CFAP54: variants seen among roughly 807,000 people sequenced by gnomAD.
The protein encoded by CFAP54 is cilia and flagella associated protein 54.
CFAP54 carries 290 observed loss-of-function variants against 370.4 expected under a neutral mutation model. That is an observed-to-expected ratio of 0.78 (90% CI 0.71 to 0.86). The LOEUF (loss-of-function observed/expected upper bound fraction) is 0.86, where lower values mean the gene tolerates loss of function less well. Among genes scored for constraint, CFAP54 ranks in the 40% least tolerant of loss-of-function variants. The pLI is 0.00. For missense variants in CFAP54, 3,399 were observed against 3,528.7 expected, an observed-to-expected ratio of 0.96 and a Z score of 0.93; for synonymous variants, 1,206 against 1,236.5, an observed-to-expected ratio of 0.98 and a Z score of 0.52.
chr12:96,582,006 T>C (rs1265869565), intron 22 of CFAP54, among the ~76,000 whole-genome samples: 1 of 152,166 alleles, frequency 6.6e-6, no homozygotes, highest in East Asian at 1.9e-4. Flanking sequence ...AGGGTAAATT[T>C]ATAAAAGTAA....
chr12:96,647,472 C>G (rs554225437), intron 33 of CFAP54, among the ~76,000 whole-genome samples: 11 of 40,754 alleles, frequency 2.7e-4, no homozygotes, highest in Non-Finnish European at 2.1e-4. Flanking sequence ...GACTCTGTCC[C>G]AAAAAAAAAA....
chr12:96,720,398 T>G lies in CFAP54; in HGVS notation c.6805-7T>G. 8.8e-6 allele frequency: 13 copies of G among 1,481,526 alleles called. No homozygotes were observed. The South Asian group carries it at 1.8e-4, about 21-fold the overall frequency. The allele number at this position is 1,481,526 out of a possible 1,614,324, so 91.8% of individuals were successfully genotyped here. A position where few individuals can be genotyped will look rare whatever the true frequency, so the allele number is the denominator to read the frequency against. On this transcript the variant is annotated splice_polypyrimidine_tract_variant and splice_region_variant and intron_variant, in intron 49 of 67. Transcript: ENST00000524981. Reference sequence around the variant, plus strand: ...AACTCACGTGATGTATGGTATCCTTTCCTTAGTCGATGTTACTGATGGAAG... The same window carrying G: ...AACTCACGTGATGTATGGTATCCTTGCCTTAGTCGATGTTACTGATGGAAG...
At chr12:96,827,682 T>A (rs1407557717) in intron 65 of CFAP54, among the ~76,000 whole-genome samples, 1 of 74,046 alleles carries the variant, frequency 1.4e-5, no homozygotes, top group Non-Finnish European at 2.8e-5. Context: ...TAATTATATA[T>A]GATACATAGT....
In CFAP54 at chr12:96,657,847, A is replaced by G. The variant is rs774753848; in HGVS notation, c.5101-35A>G. The G allele has an allele frequency of 2.2e-6, 3 of 1,349,590 alleles. No homozygotes were observed. The South Asian group carries it at 3.9e-5, about 18-fold the overall frequency. 83.6% of individuals were successfully genotyped at this position (1,349,590 alleles called of 1,614,324 possible). ...GAAAAAATATGCAGTAAAATCTGAA[A>G]TTACACATTTTTTTTTTCACTGTGC... On this transcript the variant is annotated intron_variant, in intron 36 of 67. Transcript: ENST00000524981.
intron 39 of CFAP54, among the ~76,000 whole-genome samples, chr12:96,676,752 C>G (rs1339419122): frequency 1.3e-5 from 2 of 151,918 alleles, no homozygotes; most frequent in Non-Finnish European, 2.9e-5. Flanking sequence ...CACCTTGTCT[C>G]CTGACCTGAG....
At chr12:96,828,235 AG>A (rs1445904558) in intron 65 of CFAP54, among the ~76,000 whole-genome samples, 1 of 151,088 alleles carries the variant, frequency 6.6e-6, no homozygotes, top group African/African-American at 2.4e-5. Flanking sequence ...CAAGTCATTT[AG>A]GTTTGGTAGG....
chr12:96,605,320 C>T (rs1028144237), intron 26 of CFAP54, among the ~76,000 whole-genome samples: 2 of 152,086 alleles, frequency 1.3e-5, no homozygotes, highest in Non-Finnish European at 1.5e-5. Flanking sequence ...TATCAAGAAA[C>T]CAAACAGCTG....
intron 47 of CFAP54, among the ~76,000 whole-genome samples, chr12:96,706,547 A>G (rs1310159237): frequency 6.6e-6 from 1 of 152,114 alleles, no homozygotes; most frequent in Admixed American, 6.6e-5. Context: ...AAGGTCAGAG[A>G]GGTCAAATTG....
intron 65 of CFAP54, among the ~76,000 whole-genome samples, chr12:96,825,316 A>T (rs1222412632): frequency 1.6e-5 from 2 of 126,634 alleles, no homozygotes; most frequent in Non-Finnish European, 3.2e-5. Flanking sequence ...ATATAATATA[A>T]TATATATTAT....
rs553045222 is a variant in CFAP54, at chr12:96,497,234, T to C, written c.318-3600T>C. On this transcript the variant is annotated intron_variant, in intron 1 of 67. Coordinates refer to ENST00000524981, the MANE Select transcript of CFAP54 (RefSeq NM_001306084.2). ...TGCACTGAGCCTCAGCTTAATCAAC[T>C]GTATCTTTGGGATATTGATATTACC... Among the ~76,000 whole-genome samples the C allele has an allele frequency of 1.1e-4, 16 of 152,322 alleles. 1 individual carries two copies. The South Asian group carries it at 2.3e-3, about 22-fold the overall frequency.
At chr12:96,578,477 G>A (rs184200430) in intron 20 of CFAP54, among the ~76,000 whole-genome samples, 172 of 152,292 alleles carry the variant, frequency 1.1e-3, no homozygotes, top group Non-Finnish European at 1.6e-3. Context: ...TTTACTAAGA[G>A]TTTTTGTTTG....
intron 21 of CFAP54, 50 bp downstream of exon 21, chr12:96,580,739 T>C: frequency 8.1e-7 from 1 of 1,240,760 alleles, no homozygotes; most frequent in Non-Finnish European, 1.1e-6. Context: ...TTAATGATAA[T>C]TAAATTTTTA....
chr12:96,539,248 A>G (rs1321281441), intron 13 of CFAP54, among the ~76,000 whole-genome samples: 3 of 151,050 alleles, frequency 2.0e-5, no homozygotes, highest in Admixed American at 6.6e-5. Flanking sequence ...TTTAGTAGAG[A>G]TGGGGTTTCA....
intron 36 of CFAP54, among the ~76,000 whole-genome samples, chr12:96,656,008 TGAGTATGTCCTAA>T (rs1474768624): frequency 6.6e-6 from 1 of 152,076 alleles, no homozygotes; most frequent in African/African-American, 2.4e-5. Flanking sequence ...ATGGGGGAAG[TGAGTATGTCCTAA>T]GAGTTGATAA....
intron 66 of CFAP54, among the ~76,000 whole-genome samples, chr12:96,852,194 T>G (rs1959564686): frequency 6.6e-6 from 1 of 152,056 alleles, no homozygotes; most frequent in South Asian, 2.1e-4. Flanking sequence ...GACTTAAACT[T>G]CTACCTATCA....
chr12:96,635,009 A>G (rs1285487619), intron 32 of CFAP54, among the ~76,000 whole-genome samples: 1 of 152,186 alleles, frequency 6.6e-6, no homozygotes, highest in East Asian at 1.9e-4. Context: ...CCTTAAAATC[A>G]AGTAGAGTGA....
rs140357799 is a variant in CFAP54, at chr12:96,810,020, G to A, written c.8851-1716G>A. 2.4e-3 allele frequency among the ~76,000 whole-genome samples: 367 copies of A among 152,236 alleles called. 2 individuals are homozygous for A. The highest frequency in any genetic ancestry group is 6.8e-3 in the Middle Eastern group (2 of 294). On this transcript the variant is annotated intron_variant, in intron 63 of 67. Coordinates refer to ENST00000524981, the MANE Select transcript of CFAP54 (RefSeq NM_001306084.2). ...CTCTCTGATTTAACATAAGCAGAGA[G>A]CAAAATAGAAGAAGTTCAGCCGGGA...
chr12:96,648,138 C>A, intron 34 of CFAP54, 121 bp downstream of exon 34: 1 of 641,824 alleles, frequency 1.6e-6, no homozygotes, highest in Non-Finnish European at 2.3e-6. Flanking sequence ...AAAGGACCAG[C>A]AATTTAGTTG....
intron 5 of CFAP54, 33 bp from the exon 6 acceptor site, chr12:96,518,895 A>G (rs1955270835): frequency 2.0e-6 from 3 of 1,493,374 alleles, no homozygotes; most frequent in African/African-American, 2.8e-5. Context: ...ACTTCAAATG[A>G]AAACAAATCC....
Sources: allele counts gnomAD v4.1 joint callset (sites outside exome capture counted in the v4.1 genomes callset), GRCh38; gene constraint gnomAD v4.1.1; transcripts MANE v1.5; gene names NCBI Gene and HGNC (gene_info 2026-07-23, HGNC 2026-07-21).